The following ENOX1 variants were observed in gnomAD, a reference collection of about 807,000 sequenced individuals.
The protein encoded by ENOX1 is ecto-NOX disulfide-thiol exchanger 1.
Under a neutral mutation model 82.5 loss-of-function variants are expected in ENOX1, and 42 were observed. That is an observed-to-expected ratio of 0.51 (90% CI 0.40 to 0.66). The LOEUF (loss-of-function observed/expected upper bound fraction) is 0.66. Ranked by LOEUF, ENOX1 falls within the 30% of genes least tolerant of loss-of-function variation. The pLI, the probability that ENOX1 is intolerant of heterozygous loss-of-function variation, is 0.00. For missense variants in ENOX1, 608 were observed against 811.6 expected (o/e 0.75, Z 3.05); for synonymous variants, 271 against 282.2 (o/e 0.96, Z 0.40).
At chr13:43,469,862 G>C (rs1271264372) in intron 3 of ENOX1, among the ~76,000 whole-genome samples, 1 of 151,900 alleles carries the variant, frequency 6.6e-6, no homozygotes, top group Non-Finnish European at 1.5e-5. Flanking sequence ...TATACCATCT[G>C]ACTTGAAGAC....
chr13:43,402,860 C>G (rs1195277586), intron 5 of ENOX1, among the ~76,000 whole-genome samples: 2 of 152,156 alleles, frequency 1.3e-5, no homozygotes, highest in Admixed American at 6.5e-5. Context: ...TCTTTCTACT[C>G]TCTGCTGAAT....
chr13:43,609,383 T>C (rs1049046662), intron 2 of ENOX1, among the ~76,000 whole-genome samples: 4 of 152,240 alleles, frequency 2.6e-5, no homozygotes, highest in Non-Finnish European at 4.4e-5. Flanking sequence ...TATAATTTAA[T>C]AAAGTAGTCA....
intron 1 of ENOX1, among the ~76,000 whole-genome samples, chr13:43,772,267 CAAAG>C (rs2153837267): frequency 6.6e-6 from 1 of 152,206 alleles, no homozygotes; most frequent in South Asian, 2.1e-4. Context: ...TCACGGTACT[CAAAG>C]AAGATAATCT....
At chr13:43,658,403 T>TCA (rs1205637048) in intron 2 of ENOX1, among the ~76,000 whole-genome samples, 5 of 152,334 alleles carry the variant, frequency 3.3e-5, no homozygotes, top group Middle Eastern at 6.8e-3. Context: ...AGGTTTTTTA[T>TCA]CACACACACG....
intron 1 of ENOX1, among the ~76,000 whole-genome samples, chr13:43,694,069 G>A (rs1232007261): frequency 6.6e-6 from 1 of 152,094 alleles, no homozygotes; most frequent in Non-Finnish European, 1.5e-5. Context: ...GTCACCCCAT[G>A]GATATGCATA....
intron 2 of ENOX1, among the ~76,000 whole-genome samples, chr13:43,616,064 G>A (rs1460575425): frequency 1.3e-5 from 1 of 76,474 alleles, no homozygotes; most frequent in Non-Finnish European, 2.7e-5. Flanking sequence ...ACGTGTGCTT[G>A]TGTCTTTAAG....
At chr13:43,547,675 A>G (rs1259080445) in intron 2 of ENOX1, 2 of 152,262 alleles carry the variant, frequency 1.3e-5, no homozygotes, top group Non-Finnish European at 2.9e-5. Context: ...TTACTATTTG[A>G]AATGAGTAGT....
chr13:43,411,850 C>G, intron 5 of ENOX1, 66 bp downstream of exon 5: 1 of 1,588,032 alleles, frequency 6.3e-7, no homozygotes, highest in Non-Finnish European at 8.6e-7. Context: ...GAGAGATTAC[C>G]AGGCACCTGT....
rs866258182 is a variant in ENOX1 at position 43,713,327 on chromosome 13, G to C, written c.-284-45783C>G. ...GGATTCAGTTTGCCAGTATTTTATTGAGGATTTTTGCATCAATGTTCATCA... is the reference window on the plus strand; with the variant it reads ...GGATTCAGTTTGCCAGTATTTTATTCAGGATTTTTGCATCAATGTTCATCA... On this transcript the variant is annotated intron_variant, in intron 1 of 16. Transcript: ENST00000690772. Among the ~76,000 whole-genome samples the C allele has an allele frequency of 3.9e-5, 6 of 152,276 alleles. No individual in the cohort carries two copies. The South Asian group carries it at 1.2e-3, about 32-fold the overall frequency.
At chr13:43,380,578 A>G (rs2051970777) in intron 5 of ENOX1, among the ~76,000 whole-genome samples, 1 of 151,842 alleles carries the variant, frequency 6.6e-6, no homozygotes, top group East Asian at 1.9e-4. Flanking sequence ...TATTAAATAT[A>G]AACAGTCTAA....
intron 3 of ENOX1, among the ~76,000 whole-genome samples, chr13:43,442,886 G>T (rs1209242501): frequency 6.6e-6 from 1 of 152,052 alleles, no homozygotes; most frequent in Non-Finnish European, 1.5e-5. Flanking sequence ...GACAGCGAGA[G>T]GAGTTATTAA....
At chr13:43,435,535 T>C (rs1394624608) in intron 3 of ENOX1, among the ~76,000 whole-genome samples, 1 of 152,224 alleles carries the variant, frequency 6.6e-6, no homozygotes, top group Non-Finnish European at 1.5e-5. Context: ...CAATGGTGCC[T>C]GGGTCTTTTG....
At chr13:43,422,847 TG>T (rs1478744741) in intron 3 of ENOX1, among the ~76,000 whole-genome samples, 1 of 152,128 alleles carries the variant, frequency 6.6e-6, no homozygotes, top group African/African-American at 2.4e-5. Flanking sequence ...ACTTTGCTTT[TG>T]GAAAAAAATA....
At chr13:43,684,959 G>A (rs1038999483) in intron 1 of ENOX1, among the ~76,000 whole-genome samples, 3 of 152,150 alleles carry the variant, frequency 2.0e-5, no homozygotes. Context: ...GGTTTTCAAA[G>A]AAGTAGTATT....
intron 1 of ENOX1, among the ~76,000 whole-genome samples, chr13:43,728,192 C>T (rs1314961674): frequency 6.6e-6 from 1 of 152,104 alleles, no homozygotes; most frequent in Non-Finnish European, 1.5e-5. Context: ...TGAATCAAAC[C>T]AGGTCACATT....
chr13:43,494,027 T>A (rs908825271), intron 2 of ENOX1, among the ~76,000 whole-genome samples: 1 of 152,026 alleles, frequency 6.6e-6, no homozygotes, highest in Non-Finnish European at 1.5e-5. Flanking sequence ...TATAAAACCA[T>A]CAGATCTCGT....
At chr13:43,403,847 A>AT (rs1224077668) in intron 5 of ENOX1, among the ~76,000 whole-genome samples, 8 of 152,048 alleles carry the variant, frequency 5.3e-5, no homozygotes, top group African/African-American at 1.2e-4. Context: ...CTCAAAAAAA[A>AT]AAATAAATAA....
At chr13:43,225,217 C>T (rs1374587094) in intron 15 of ENOX1, among the ~76,000 whole-genome samples, 1 of 152,158 alleles carries the variant, frequency 6.6e-6, no homozygotes, top group African/African-American at 2.4e-5. Flanking sequence ...ACAGTGGGTA[C>T]TCATGGACAT....
chr13:43,302,025 G>GA (rs1359117026), intron 11 of ENOX1, among the ~76,000 whole-genome samples: 3 of 151,328 alleles, frequency 2.0e-5, no homozygotes, highest in Non-Finnish European at 2.9e-5. Flanking sequence ...AAAGAGTTTT[G>GA]AAAAAATGTG....
Sources: allele counts gnomAD v4.1 joint callset (sites outside exome capture counted in the v4.1 genomes callset), GRCh38; gene constraint gnomAD v4.1.1; transcripts MANE v1.5; gene names NCBI Gene and HGNC (gene_info 2026-07-23, HGNC 2026-07-21).